The following ERC2 variants were observed in gnomAD, a reference collection of about 807,000 sequenced individuals.
The protein encoded by ERC2 is ERC protein 2.
A neutral mutation model predicts 114.8 loss-of-function variants in ERC2; 42 were observed. That is an observed-to-expected ratio of 0.37 (90% confidence interval 0.29 to 0.47). ERC2 has a LOEUF of 0.47. ERC2 is among the 20% of genes least tolerant of loss of function. ERC2 has a pLI of 0.99. For missense variants in ERC2, 939 were observed against 1,150.7 expected, an observed-to-expected ratio of 0.82 and a Z score of 2.66; for synonymous variants, 454 against 425.5, an observed-to-expected ratio of 1.07 and a Z score of -0.82.
At chr3:56,092,390 T>G (rs781171645) in intron 6 of ERC2, among the ~76,000 whole-genome samples, 4 of 152,212 alleles carry the variant, frequency 2.6e-5, no homozygotes, top group Non-Finnish European at 2.9e-5. Flanking sequence ...TTTTCATACT[T>G]AAGTTTTTGG....
chr3:55,699,556 A>G (rs2063116658), intron 15 of ERC2, 44 bp from the exon 16 acceptor site: 1 of 1,566,746 alleles, frequency 6.4e-7, no homozygotes, highest in Middle Eastern at 1.7e-4. Context: ...AGGAGCCAGA[A>G]GATCAGTCAA....
chr3:56,296,711 T>G (rs757717092), intron 2 of ERC2, among the ~76,000 whole-genome samples: 1 of 152,174 alleles, frequency 6.6e-6, no homozygotes, highest in Non-Finnish European at 1.5e-5. Context: ...AGGGAAATTA[T>G]ACATCTACAG....
intron 17 of ERC2, among the ~76,000 whole-genome samples, chr3:55,674,252 C>A (rs1448707243): frequency 6.6e-6 from 1 of 152,194 alleles, no homozygotes; most frequent in Non-Finnish European, 1.5e-5. Context: ...AGTGGTGGAA[C>A]CAGTATTTGA....
chr3:55,574,193 G>C, intron 17 of ERC2, among the ~76,000 whole-genome samples: 1 of 152,148 alleles, frequency 6.6e-6, no homozygotes, highest in East Asian at 1.9e-4. Context: ...TACAGGTGAA[G>C]TGACTTATCC....
chr3:56,336,639 C>G (rs2057862555), intron 2 of ERC2, among the ~76,000 whole-genome samples: 1 of 152,082 alleles, frequency 6.6e-6, no homozygotes, highest in Admixed American at 6.5e-5. Flanking sequence ...ACTAGAAATA[C>G]AAAAATTAGC....
At chr3:55,989,786 G>A (rs1224086762) in intron 11 of ERC2, among the ~76,000 whole-genome samples, 1 of 152,148 alleles carries the variant, frequency 6.6e-6, no homozygotes, top group Non-Finnish European at 1.5e-5. Flanking sequence ...TGCACGTCAA[G>A]TGCTTCCCAG....
At chr3:56,399,766 GA>G (rs59190537) in intron 2 of ERC2, among the ~76,000 whole-genome samples, 2 of 150,032 alleles carry the variant, frequency 1.3e-5, no homozygotes, top group East Asian at 1.9e-4. Flanking sequence ...CCTCTCCCAT[GA>G]AAAAAAAAGG....
intron 4 of ERC2, among the ~76,000 whole-genome samples, chr3:56,171,725 T>C (rs1434212038): frequency 6.6e-6 from 1 of 151,898 alleles, no homozygotes; most frequent in East Asian, 1.9e-4. Flanking sequence ...TTTTCTACTT[T>C]AAAAAGTCAC....
intron 3 of ERC2, among the ~76,000 whole-genome samples, chr3:56,273,642 TG>T (rs1456647745): frequency 6.6e-6 from 1 of 152,124 alleles, no homozygotes; most frequent in Non-Finnish European, 1.5e-5. Context: ...ATTTTTTCTT[TG>T]GGGGTAATGA....
chr3:56,105,114 G>C (rs1201146626), intron 6 of ERC2, among the ~76,000 whole-genome samples: 2 of 152,008 alleles, frequency 1.3e-5, no homozygotes, highest in African/African-American at 2.4e-5. Context: ...AACAAAGATG[G>C]GCAGATGCCA....
chr3:56,299,131 G>GTTTTTTTTTTT (rs2055680582), intron 2 of ERC2, among the ~76,000 whole-genome samples: 5 of 63,248 alleles, frequency 7.9e-5, no homozygotes, highest in African/African-American at 2.1e-4. Flanking sequence ...TTTTTTTTTT[G>GTTTTTTTTTTT]TTTGTTTGTT....
intron 3 of ERC2, among the ~76,000 whole-genome samples, chr3:56,228,211 T>A (rs1281421236): frequency 6.6e-6 from 1 of 152,174 alleles, no homozygotes; most frequent in African/African-American, 2.4e-5. Flanking sequence ...TGGTAAAATA[T>A]ACATAATATT....
At chr3:55,898,465 A>T (rs181329571) in intron 13 of ERC2, among the ~76,000 whole-genome samples, 37 of 152,206 alleles carry the variant, frequency 2.4e-4, no homozygotes, top group Non-Finnish European at 4.1e-4. Flanking sequence ...CCCCAGCTAC[A>T]TGCTGACGGT....
At chr3:55,713,275 G>T (rs4955867) in intron 15 of ERC2, among the ~76,000 whole-genome samples, 1 of 151,644 alleles carries the variant, frequency 6.6e-6, no homozygotes, top group African/African-American at 2.4e-5. Flanking sequence ...CAATGGGGCA[G>T]TCTTGGCTCA....
intron 17 of ERC2, among the ~76,000 whole-genome samples, chr3:55,682,474 C>T (rs1019288635): frequency 2.0e-5 from 3 of 152,078 alleles, no homozygotes; most frequent in African/African-American, 7.2e-5. Flanking sequence ...GTGAACTGCC[C>T]CCTCAGTACC....
chr3:55,950,895 G>A (rs981706608), intron 12 of ERC2, among the ~76,000 whole-genome samples: 1 of 152,194 alleles, frequency 6.6e-6, no homozygotes, highest in Non-Finnish European at 1.5e-5. Context: ...TGCTGTGAGA[G>A]ACAGTGATGT....
chr3:55,590,730 A>C (rs2057833025), intron 17 of ERC2, among the ~76,000 whole-genome samples: 1 of 152,244 alleles, frequency 6.6e-6, no homozygotes, highest in African/African-American at 2.4e-5. Flanking sequence ...ACATTGGGAA[A>C]GACATATACC....
At chr3:56,412,691 T>C (rs959333772) in intron 2 of ERC2, among the ~76,000 whole-genome samples, 1 of 152,190 alleles carries the variant, frequency 6.6e-6, no homozygotes, top group African/African-American at 2.4e-5. Flanking sequence ...GTGAGCTGTA[T>C]ACCTCAAATT....
At chr3:55,550,447 A>C (rs866149599) in intron 17 of ERC2, among the ~76,000 whole-genome samples, 1 of 152,246 alleles carries the variant, frequency 6.6e-6, no homozygotes, top group African/African-American at 2.4e-5. Flanking sequence ...GATGTGCAGT[A>C]ACTATTTGTT....
Sources: allele counts gnomAD v4.1 joint callset (sites outside exome capture counted in the v4.1 genomes callset), GRCh38; gene constraint gnomAD v4.1.1; transcripts MANE v1.5; gene names NCBI Gene and HGNC (gene_info 2026-07-23, HGNC 2026-07-21).